DOCK2: variants seen among roughly 807,000 people sequenced by gnomAD.
DOCK2 encodes dedicator of cytokinesis protein 2.
DOCK2 carries 87 observed loss-of-function variants against 248.9 expected under a neutral mutation model. The ratio of observed to expected loss-of-function variants is 0.35; its 90% CI spans 0.29 to 0.42. DOCK2 has a LOEUF of 0.42. Among genes scored for constraint, DOCK2 ranks in the 10% least tolerant of loss-of-function variants. The pLI, the probability that DOCK2 is intolerant of heterozygous loss-of-function variation, is 1.00. For synonymous variants in DOCK2, 805 were observed against 821.6 expected (o/e 0.98, Z 0.35); for missense variants, 1,747 against 2,300.2 (o/e 0.76, Z 4.92).
chr5:169,864,159 G>A (rs1771384487), intron 27 of DOCK2: 2 of 941,488 alleles, frequency 2.1e-6, no homozygotes, highest in Non-Finnish European at 3.2e-6. Context: ...CACAGGCCAA[G>A]GGGCTCACAG....
rs370462327 is a variant in DOCK2 at position 170,037,480 on chromosome 5, A to ATTT, written c.3665+945_3665+947dup. ...TCTACAATAAAAAGCACAAAAACAA[A>ATTT]TTTTTTTTTTTTTTTTTTTTTTAAA... On this transcript the variant is annotated intron_variant, in intron 36 of 51. Coordinates refer to ENST00000520908, the MANE Select transcript of DOCK2 (RefSeq NM_004946.3). 5.7e-4 allele frequency among the ~76,000 whole-genome samples: 77 copies of ATTT among 134,442 alleles called. 1 individual carries two copies. Among genetic ancestry groups the ATTT allele is most frequent in the South Asian group, 3.3e-3 (14 of 4,222 alleles). The allele number at this position is 134,442 out of a possible 152,430, so 88.2% of individuals were successfully genotyped here.
At chr5:169,776,968 A>G (rs531552280) in intron 25 of DOCK2, among the ~76,000 whole-genome samples, 1 of 152,372 alleles carries the variant, frequency 6.6e-6, no homozygotes, top group South Asian at 2.1e-4. Flanking sequence ...AACCAATTGT[A>G]ATATTTTCTT....
intron 23 of DOCK2, among the ~76,000 whole-genome samples, chr5:169,749,884 G>T (rs759429618): frequency 6.6e-6 from 1 of 152,210 alleles, no homozygotes; most frequent in African/African-American, 2.4e-5. Context: ...GATAACAGGA[G>T]CAGGGGACAG....
At chr5:169,677,684 G>A (rs963756537) in intron 6 of DOCK2, among the ~76,000 whole-genome samples, 11 of 152,206 alleles carry the variant, frequency 7.2e-5, no homozygotes, top group Admixed American at 5.2e-4. Flanking sequence ...TTTGCAAACC[G>A]ATGTAACCAG....
rs1466532077 is a variant in DOCK2 at position 169,714,121 on chromosome 5, A to C, written c.1753A>C (p.Ser585Arg). Residue 585 changes from serine (S) to arginine (R), a missense_variant, in exon 18 of 52, where the codon AGC (serine) becomes CGC (arginine). Coordinates refer to ENST00000520908, the MANE Select transcript of DOCK2 (RefSeq NM_004946.3). Reference sequence around the variant, plus strand: ...AAACAAGGGGGCCACGCTGAGCAGGAGCTCCAGCAGTGTTGGGGGGCTTTC... The same window carrying C: ...AAACAAGGGGGCCACGCTGAGCAGGCGCTCCAGCAGTGTTGGGGGGCTTTC... ...VENKGATLSR[S>R]SSSVGGLSVS... 1 of 1,613,850 alleles carries C rather than the reference A, an allele frequency of 6.2e-7. No homozygotes were observed. Among genetic ancestry groups the C allele is most frequent in the East Asian group, 2.2e-5 (1 of 44,840 alleles).
intron 46 of DOCK2, among the ~76,000 whole-genome samples, chr5:170,072,969 G>T (rs1368843167): frequency 6.6e-6 from 1 of 152,008 alleles, no homozygotes; most frequent in East Asian, 1.9e-4. Context: ...TTGTCTGTTT[G>T]CTTTCTTAAT....
At chr5:169,799,719 A>AT (rs1766852059) in intron 25 of DOCK2, among the ~76,000 whole-genome samples, 1 of 152,140 alleles carries the variant, frequency 6.6e-6, no homozygotes, top group Non-Finnish European at 1.5e-5. Context: ...TAATAGATAT[A>AT]TTTTCTCCAA....
intron 27 of DOCK2, among the ~76,000 whole-genome samples, chr5:169,863,927 C>T (rs182459874): frequency 6.6e-6 from 1 of 152,142 alleles, no homozygotes; most frequent in Admixed American, 6.5e-5. Flanking sequence ...GAAGGAAGTG[C>T]TTGGCATCTT....
chr5:169,674,590 C>A (rs552925477), intron 6 of DOCK2, 145 bp downstream of exon 6: 23 of 1,278,406 alleles, frequency 1.8e-5, no homozygotes, highest in Non-Finnish European at 2.3e-5. Context: ...GCTGTGCTTG[C>A]GTGCCGTTGT....
chr5:169,904,204 G>A (rs1478360641), intron 27 of DOCK2, among the ~76,000 whole-genome samples: 1 of 151,998 alleles, frequency 6.6e-6, no homozygotes, highest in East Asian at 1.9e-4. Flanking sequence ...CTAGCCTTTG[G>A]CAAGAAGCCT....
At chr5:169,842,686 G>A (rs1251445428) in intron 27 of DOCK2, among the ~76,000 whole-genome samples, 2 of 152,132 alleles carry the variant, frequency 1.3e-5, no homozygotes, top group Non-Finnish European at 2.9e-5. Flanking sequence ...CATTCTGTAC[G>A]TAGCAGGCTT....
chr5:169,758,617 C>G (rs1208527450), intron 23 of DOCK2, among the ~76,000 whole-genome samples: 2 of 152,192 alleles, frequency 1.3e-5, no homozygotes. Context: ...TGAATCCTGG[C>G]TCTCCACTTG....
chr5:169,828,972 C>T (rs1428561539), intron 26 of DOCK2, among the ~76,000 whole-genome samples: 2 of 152,194 alleles, frequency 1.3e-5, no homozygotes, highest in African/African-American at 4.8e-5. Context: ...GAGGGGGCAG[C>T]TCCGAGTGGA....
At chr5:169,680,153 A>G (rs28742987) in intron 6 of DOCK2, among the ~76,000 whole-genome samples, 6,277 of 152,234 alleles carry the variant, frequency 0.041, 219 homozygotes, top group African/African-American at 0.089. Flanking sequence ...GTGGACAAAG[A>G]TGTATTCTTA....
At chr5:170,074,852 C>G (rs574138694) in intron 46 of DOCK2, among the ~76,000 whole-genome samples, 1 of 152,278 alleles carries the variant, frequency 6.6e-6, no homozygotes, top group African/African-American at 2.4e-5. Context: ...GTGTTTGGCC[C>G]CTCAGCTCAC....
chr5:169,987,206 A>G (rs186738853), intron 29 of DOCK2, among the ~76,000 whole-genome samples: 95 of 152,340 alleles, frequency 6.2e-4, no homozygotes, highest in African/African-American at 2.2e-3. Flanking sequence ...TTGTATTTTC[A>G]ACCACAATAG....
At chr5:169,718,873 T>A in intron 22 of DOCK2, 82 bp downstream of exon 22, 1 of 1,485,736 alleles carries the variant, frequency 6.7e-7, no homozygotes. Context: ...TAGGAGAAAC[T>A]CGTTTAAAAA....
chr5:169,870,292 T>C (rs1771871049), intron 27 of DOCK2, among the ~76,000 whole-genome samples: 1 of 152,180 alleles, frequency 6.6e-6, no homozygotes, highest in African/African-American at 2.4e-5. Context: ...GCCATCATGC[T>C]CGCTGAAAAG....
intron 29 of DOCK2, among the ~76,000 whole-genome samples, chr5:169,991,870 T>C (rs1255464053): frequency 6.6e-6 from 1 of 152,260 alleles, no homozygotes; most frequent in Non-Finnish European, 1.5e-5. Context: ...CAGTTTCCTC[T>C]TATGTTTAAT....
Sources: allele counts gnomAD v4.1 joint callset (sites outside exome capture counted in the v4.1 genomes callset), GRCh38; gene constraint gnomAD v4.1.1; transcripts MANE v1.5; gene names NCBI Gene and HGNC (gene_info 2026-07-23, HGNC 2026-07-21).